Variants in ADAMTS7 observed in about 807,000 individuals in gnomAD.
ADAMTS7 encodes the protein ADAM metallopeptidase with thrombospondin type 1 motif 7.
ADAMTS7 carries 89 observed loss-of-function variants against 172.6 expected under a neutral mutation model. The ratio of observed to expected loss-of-function variants is 0.52; its 90% CI spans 0.43 to 0.61. The LOEUF is 0.61. ADAMTS7 is among the 20% of genes least tolerant of loss of function. The pLI is 0.00. For synonymous variants in ADAMTS7, 885 were observed against 978.4 expected (o/e 0.90, Z 1.78); for missense variants, 1,973 against 2,355.6 (o/e 0.84, Z 3.36).
chr15:78,770,499 G>T (rs546751652), intron 16 of ADAMTS7: 7 of 127,762 alleles, frequency 5.5e-5, no homozygotes, highest in African/African-American at 1.8e-4. Context: ...GCGTTGGTGG[G>T]GGGGACTAGG....
rs1172586294 is a variant in ADAMTS7, at chr15:78,764,055, C to G, written c.4464G>C (p.Gln1488His). Residue 1488 changes from glutamine to histidine, a missense_variant, in exon 21 of 24, where the codon CAG (glutamine) becomes CAC (histidine). By Grantham distance (24) the Gln-to-His change is conservative. Coordinates refer to ENST00000388820, the MANE Select transcript of ADAMTS7 (RefSeq NM_014272.5). ...GCCGGAGGTCCCGTGTGTCCACACA[C>G]TGCACGTCCCGCACTGAGGAACCTC... ...CGGGSSVRDV[Q>H]CVDTRDLRPL... 4 of 1,537,916 alleles carry G rather than the reference C, an allele frequency of 2.6e-6. No individual in the cohort carries two copies. The African/African-American group carries it at 5.5e-5, about 21-fold the overall frequency.
intron 4 of ADAMTS7, among the ~76,000 whole-genome samples, chr15:78,791,862 C>T (rs561321972): frequency 6.6e-6 from 1 of 152,266 alleles, no homozygotes; most frequent in Non-Finnish European, 1.5e-5. Context: ...CATGGGGCTC[C>T]CTACTGAGAC....
At chr15:78,790,894 G>C in intron 5 of ADAMTS7, 100 bp from the exon 6 acceptor site, 1 of 1,544,100 alleles carries the variant, frequency 6.5e-7, no homozygotes, top group Non-Finnish European at 8.8e-7. Context: ...GGCCCAGCAG[G>C]GAAGTGGGAG....
rs370498492 is a variant in ADAMTS7 at position 78,789,759 on chromosome 15, G to A, written c.1108C>T (p.Arg370Cys). The change falls in exon 7 of 24, where the codon CGC becomes TGC. Residue 370 changes from arginine to cysteine, a missense_variant. Arg to Cys is a radical substitution (Grantham distance 180, BLOSUM62 -3). This residue lies in a region of ADAMTS7 where 526 missense variants were observed against 662.9 expected (regional missense o/e 0.79). Transcript: ENST00000388820. Reference protein sequence around the residue: ...SHVAGMCQPHRSCSINEDTGL... With the variant: ...SHVAGMCQPHCSCSINEDTGL... ...GTGTCCTCGTTGATGCTGCAGCTGC[G>A]GTGCGGCTGGCACATGCCCGCCACA... The A allele has an allele frequency of 1.1e-5, 17 of 1,610,572 alleles. 1 individual carries two copies. The highest frequency in any genetic ancestry group is 4.4e-5 in the South Asian group (4 of 90,512).
At chr15:78,773,709 T>C (rs1345137975) in intron 13 of ADAMTS7, among the ~76,000 whole-genome samples, 3 of 152,000 alleles carry the variant, frequency 2.0e-5, no homozygotes, top group African/African-American at 7.3e-5. Context: ...GAATAGAAAT[T>C]GTTACCACAC....
At position 78,774,193 on chromosome 15, in the gene ADAMTS7, C is replaced by T. The variant is rs1348678224; in HGVS notation, c.1984G>A (p.Asp662Asn). Residue 662 changes from aspartate to asparagine, a missense_variant, in exon 13 of 24, where the codon GAC (aspartate) becomes AAC (asparagine). Asp to Asn is a conservative substitution (Grantham distance 23). This residue lies in a region of ADAMTS7 where 526 missense variants were observed against 662.9 expected (regional missense o/e 0.79). Coordinates refer to ENST00000388820, the MANE Select transcript of ADAMTS7 (RefSeq NM_014272.5). ...TPCYQVRASR[D>N]LCINGICKNV... ...TTACAGATGCCGTTGATGCAGAGGT[C>T]CCGGCTGGCTCGGACCTGGTAGCAG... is the stretch of plus-strand genomic sequence containing the variant. The T allele has an allele frequency of 6.3e-7, 1 of 1,591,352 alleles. No homozygotes were observed. The highest frequency in any genetic ancestry group is 8.5e-7 in the Non-Finnish European group (1 of 1,177,474).
rs1567212696 is a variant in ADAMTS7 at position 78,771,413 on chromosome 15, A to G, written c.2377-110T>C. On this transcript the variant is annotated intron_variant, in intron 15 of 23. Transcript: ENST00000388820. This position sits in a 1 kb window ranked among gnomAD's most constrained non-coding sequence, Gnocchi z 4.9. ...TGAACTGCAGCTACAAGATTGGGCC[A>G]TTTTAAAGATGGGGAAACTGAGGTA... 6.4e-7 allele frequency: 1 copy of G among 1,569,498 alleles called. No individual in the cohort carries two copies. Among genetic ancestry groups the G allele is most frequent in the Admixed American group, 1.8e-5 (1 of 55,452 alleles).
At chr15:78,788,401 C>A (rs376821393) in intron 7 of ADAMTS7, 27 bp from the exon 8 acceptor site, 9 of 1,608,268 alleles carry the variant, frequency 5.6e-6, no homozygotes, top group East Asian at 4.5e-5. Context: ...GCCCCAGGGG[C>A]GGGTGAGCCG....
chr15:78,800,423 G>A lies in ADAMTS7; in HGVS notation c.225C>T (p.Arg75=), dbSNP rs758490431. 3 of 1,610,022 alleles carry A rather than the reference G, an allele frequency of 1.9e-6. No individual in the cohort carries two copies. Among genetic ancestry groups the A allele is most frequent in the Non-Finnish European group, 1.7e-6 (2 of 1,178,578 alleles). The change falls in exon 2 of 24, where the codon CGC becomes CGT. Residue 75 remains arginine, a synonymous_variant. Coordinates refer to ENST00000388820, the MANE Select transcript of ADAMTS7 (RefSeq NM_014272.5). ...RALRKRDVSV[R]RDAPAFYELQ... ...GCTCGTAGAAGGCGGGCGCGTCTCG[G>A]CGCACAGATACATCCCGCTTGCGCA...
At chr15:78,789,617 G>T in intron 7 of ADAMTS7, 72 bp downstream of exon 7, 1 of 1,575,448 alleles carries the variant, frequency 6.3e-7, no homozygotes, top group Non-Finnish European at 8.7e-7. Flanking sequence ...CCCACAGGCT[G>T]GATACCCGGT....
At chr15:78,774,498 G>A in intron 12 of ADAMTS7, 126 bp downstream of exon 12, 1 of 1,485,594 alleles carries the variant, frequency 6.7e-7, no homozygotes, top group South Asian at 1.2e-5. Flanking sequence ...GCAGCCCCAG[G>A]GGACAGTGGG....
chr15:78,764,736 G>A lies in ADAMTS7; in HGVS notation c.4267-29C>T, dbSNP rs368478192. On this transcript the variant is annotated intron_variant, in intron 19 of 23. Transcript: ENST00000388820. ...CGGGGCAGAGACCCGTGAAAGCCAG[G>A]CAGATCCCATCCCCGCCAGGCCTCC... 53 of 1,468,228 alleles carry A rather than the reference G, an allele frequency of 3.6e-5. No individual in the cohort carries two copies. In the African/African-American group the frequency reaches 7.1e-4, roughly 20 times the overall value. 91.0% of individuals were successfully genotyped at this position (1,468,228 alleles called of 1,614,324 possible). A position where few individuals can be genotyped will look rare whatever the true frequency, so the allele number is the denominator to read the frequency against.
At chr15:78,809,427 C>T (rs907510867) in intron 1 of ADAMTS7, among the ~76,000 whole-genome samples, 1 of 152,102 alleles carries the variant, frequency 6.6e-6, no homozygotes, top group East Asian at 1.9e-4. Flanking sequence ...ACAGACTTCA[C>T]CCTTGGAGTG....
At chr15:78,797,119 A>T (rs1357199139) in intron 3 of ADAMTS7, among the ~76,000 whole-genome samples, 1 of 152,180 alleles carries the variant, frequency 6.6e-6, no homozygotes, top group Non-Finnish European at 1.5e-5. Flanking sequence ...CAAAGCTGGC[A>T]ACTGGGCCCC....
intron 22 of ADAMTS7, among the ~76,000 whole-genome samples, chr15:78,763,373 C>T (rs528668994): frequency 1.3e-5 from 2 of 152,252 alleles, no homozygotes; most frequent in East Asian, 1.9e-4. Flanking sequence ...CCGGGCTCCC[C>T]GGCCCCCTCA....
chr15:78,765,537 A>G (rs2055125185), intron 19 of ADAMTS7, 108 bp downstream of exon 19: 11 of 1,535,594 alleles, frequency 7.2e-6, no homozygotes, highest in East Asian at 6.8e-5. Flanking sequence ...CTGCCCCAAG[A>G]GAGGCTAGAC....
intron 8 of ADAMTS7, among the ~76,000 whole-genome samples, chr15:78,782,274 GC>G (rs1318313834): frequency 6.6e-6 from 1 of 151,976 alleles, no homozygotes; most frequent in East Asian, 1.9e-4. Flanking sequence ...CAAGGGATCC[GC>G]CTGCCTCAGT....
In ADAMTS7 at chr15:78,811,439, A is replaced by C; in HGVS notation, c.-219T>G. On this transcript the variant is annotated 5_prime_UTR_variant, in exon 1 of 24. Transcript: ENST00000388820. ...TGCAGAGGCAAAGAAAAGACAAGAGAGCTAGAAGGAGAGAAAGAAAGAAAG... is the reference window on the plus strand; with the variant it reads ...TGCAGAGGCAAAGAAAAGACAAGAGCGCTAGAAGGAGAGAAAGAAAGAAAG... 1 of 379,006 alleles carries C rather than the reference A, an allele frequency of 2.6e-6. No homozygotes were observed. The highest frequency in any genetic ancestry group is 4.6e-6 in the Non-Finnish European group (1 of 219,384). 23.5% of individuals were successfully genotyped at this position (379,006 alleles called of 1,614,324 possible).
intron 1 of ADAMTS7, among the ~76,000 whole-genome samples, chr15:78,806,393 G>A (rs1310214649): frequency 6.6e-6 from 1 of 152,190 alleles, no homozygotes; most frequent in East Asian, 1.9e-4. Context: ...AAAGCCAGAA[G>A]TAAGAAAGGG....
Sources: allele counts gnomAD v4.1 joint callset (sites outside exome capture counted in the v4.1 genomes callset), GRCh38; gene constraint gnomAD v4.1.1; regional missense constraint gnomAD v4.1.1; non-coding constraint Gnocchi (gnomAD v3.1); transcripts MANE v1.5; gene names NCBI Gene and HGNC (gene_info 2026-07-23, HGNC 2026-07-21).